The following ROBO2 variants were observed in gnomAD, a reference collection of about 807,000 sequenced individuals.
ROBO2 encodes roundabout homolog 2.
Under a neutral mutation model 160.8 loss-of-function variants are expected in ROBO2, and 53 were observed. The ratio of observed to expected loss-of-function variants is 0.33; its 90% CI spans 0.26 to 0.41. ROBO2 has a LOEUF of 0.41. Ranked by LOEUF, ROBO2 falls within the 10% of genes least tolerant of loss-of-function variation. The pLI, the probability that ROBO2 is intolerant of heterozygous loss-of-function variation, is 1.00. For missense variants in ROBO2, 1,577 were observed against 1,722.4 expected, an observed-to-expected ratio of 0.92 and a Z score of 1.49; for synonymous variants, 664 against 611.7, an observed-to-expected ratio of 1.09 and a Z score of -1.26.
chr3:76,026,019 C>G (rs182203029), intron 2 of ROBO2, among the ~76,000 whole-genome samples: 41 of 152,030 alleles, frequency 2.7e-4, no homozygotes, highest in Admixed American at 2.5e-3. Context: ...TTCTGCAAAA[C>G]TGTTGCATAT....
intron 6 of ROBO2, among the ~76,000 whole-genome samples, chr3:77,541,715 G>A (rs181619912): frequency 5.3e-5 from 8 of 152,266 alleles, no homozygotes; most frequent in African/African-American, 1.4e-4. Context: ...GTATAATCAC[G>A]TGACAGATTA....
chr3:75,990,904 C>T (rs1304528699), intron 2 of ROBO2, among the ~76,000 whole-genome samples: 2 of 152,102 alleles, frequency 1.3e-5, no homozygotes, highest in East Asian at 3.9e-4. Flanking sequence ...GATCTGCCCT[C>T]ATAAATGTGA....
At chr3:75,945,051 C>A (rs1398081233) in intron 2 of ROBO2, among the ~76,000 whole-genome samples, 16 of 152,090 alleles carry the variant, frequency 1.1e-4, no homozygotes, top group Admixed American at 1.0e-3. Flanking sequence ...TATTTATAAG[C>A]TCCTTGATAA....
At chr3:76,049,401 A>ATGTTTTTT (rs1306305555) in intron 2 of ROBO2, among the ~76,000 whole-genome samples, 2 of 63,736 alleles carry the variant, frequency 3.1e-5, no homozygotes, top group Non-Finnish European at 5.0e-5. Flanking sequence ...ATATATATAT[A>ATGTTTTTT]TATTTTTTTT....
At chr3:76,031,087 CT>C (rs2066904926) in intron 2 of ROBO2, among the ~76,000 whole-genome samples, 1 of 152,104 alleles carries the variant, frequency 6.6e-6, no homozygotes, top group African/African-American at 2.4e-5. Context: ...CTTCACATCC[CT>C]TGTGAATTGG....
At chr3:77,124,352 G>C (rs6774791) in intron 2 of ROBO2, among the ~76,000 whole-genome samples, 3 of 152,076 alleles carry the variant, frequency 2.0e-5, no homozygotes, top group Admixed American at 2.0e-4. Flanking sequence ...ATTTCAAGCC[G>C]GGAAAGAGTA....
Position 76,638,686 on chromosome 3 carries a change from A to T in ROBO2, c.110-459328A>T, listed in dbSNP as rs975120528. On this transcript the variant is annotated intron_variant, in intron 2 of 26. Coordinates refer to the ROBO2 transcript ENST00000487694. ...GGTATAATGTTGCTATTTTTTAAAA[A>T]TTCAAAATTATAGTGATGAAGTTCT... 5.3e-5 allele frequency among the ~76,000 whole-genome samples: 8 copies of T among 152,164 alleles called. 1 individual carries two copies. The highest frequency in any genetic ancestry group is 1.4e-4 in the African/African-American group (6 of 41,430).
At chr3:77,154,798 A>G (rs1312545865) in intron 2 of ROBO2, among the ~76,000 whole-genome samples, 1 of 152,026 alleles carries the variant, frequency 6.6e-6, no homozygotes, top group East Asian at 1.9e-4. Context: ...TCTGGTTTAT[A>G]AGTGAGAGCT....
chr3:77,277,051 T>A (rs983754661), intron 2 of ROBO2, among the ~76,000 whole-genome samples: 13 of 152,110 alleles, frequency 8.5e-5, no homozygotes, highest in African/African-American at 2.9e-4. Context: ...AGTCAAACCA[T>A]ATCAGCAACA....
rs929788091 is a variant in ROBO2, at chr3:75,986,739, G to C, written c.109+49137G>C. Reference sequence around the variant, plus strand: ...ATTTTTCTGCATAGTGTTATACGAGGGTCCAACTTCATTATTTTATATGTG... The same window carrying C: ...ATTTTTCTGCATAGTGTTATACGAGCGTCCAACTTCATTATTTTATATGTG... On this transcript the variant is annotated intron_variant, in intron 2 of 26. Transcript: ENST00000487694. 2.6e-5 allele frequency among the ~76,000 whole-genome samples: 4 copies of C among 151,068 alleles called. No individual in the cohort carries two copies. In the East Asian group the frequency reaches 7.8e-4, roughly 29 times the overall value.
intron 1 of ROBO2, among the ~76,000 whole-genome samples, chr3:77,054,427 T>C (rs1399144505): frequency 6.6e-6 from 1 of 152,148 alleles, no homozygotes; most frequent in African/African-American, 2.4e-5. Flanking sequence ...AGAGTAATAT[T>C]TTCTGTGGAA....
At chr3:76,528,239 A>G (rs2082046025) in intron 2 of ROBO2, among the ~76,000 whole-genome samples, 1 of 152,100 alleles carries the variant, frequency 6.6e-6, no homozygotes, top group African/African-American at 2.4e-5. Context: ...GGAATGACCT[A>G]ATGTCACTAG....
intron 2 of ROBO2, among the ~76,000 whole-genome samples, chr3:76,166,973 C>T (rs2072862755): frequency 6.6e-6 from 1 of 152,146 alleles, no homozygotes; most frequent in African/African-American, 2.4e-5. Flanking sequence ...AAGACAGAGT[C>T]TCACTCCATG....
At chr3:75,916,498 AT>A (rs1946812055) in intron 1 of ROBO2, among the ~76,000 whole-genome samples, 1 of 152,192 alleles carries the variant, frequency 6.6e-6, no homozygotes, top group Admixed American at 6.5e-5. Flanking sequence ...TATTGCTTTT[AT>A]TGACAGAACA....
At chr3:76,295,373 A>G (rs1244783661) in intron 2 of ROBO2, among the ~76,000 whole-genome samples, 8 of 152,178 alleles carry the variant, frequency 5.3e-5, no homozygotes, top group Non-Finnish European at 7.3e-5. Flanking sequence ...GTATGAATGT[A>G]GAGGCAAAAT....
intron 1 of ROBO2, among the ~76,000 whole-genome samples, chr3:75,932,750 T>C (rs1210042474): frequency 2.0e-5 from 3 of 152,146 alleles, no homozygotes; most frequent in African/African-American, 7.2e-5. Flanking sequence ...ATTTGTCTCA[T>C]ACATAGAGCC....
intron 3 of ROBO2, among the ~76,000 whole-genome samples, chr3:77,478,428 C>G (rs2084299446): frequency 2.6e-5 from 4 of 152,122 alleles, no homozygotes; most frequent in Admixed American, 2.6e-4. Flanking sequence ...AGAAAAATAA[C>G]TGTTTTCAAA....
In ROBO2 at chr3:76,992,500, C is replaced by T. The variant is rs369515712; in HGVS notation, c.110-105514C>T. Among the ~76,000 whole-genome samples, 17 of 151,734 alleles carry T rather than the reference C, an allele frequency of 1.1e-4. No homozygotes were observed. The East Asian group carries it at 3.1e-3, about 28-fold the overall frequency. ...CTTAATGCCACCCTGGTAAAAATAG[C>T]AGTGGGTTATTGAAGATCGCACATT... On this transcript the variant is annotated intron_variant, in intron 2 of 26. Transcript: ENST00000487694.
intron 2 of ROBO2, among the ~76,000 whole-genome samples, chr3:76,171,626 C>A (rs1205765646): frequency 1.3e-5 from 2 of 151,940 alleles, no homozygotes; most frequent in Non-Finnish European, 2.9e-5. Flanking sequence ...CCGAGCAATG[C>A]CCTGATGTAG....
Sources: allele counts gnomAD v4.1 joint callset (sites outside exome capture counted in the v4.1 genomes callset), GRCh38; gene constraint gnomAD v4.1.1; transcripts MANE v1.5; gene names NCBI Gene and HGNC (gene_info 2026-07-23, HGNC 2026-07-21).